UBR3: variants seen among roughly 807,000 people sequenced by gnomAD.
UBR3 encodes E3 ubiquitin-protein ligase UBR3.
Under a neutral mutation model 243.2 loss-of-function variants are expected in UBR3, and 85 were observed. The ratio of observed to expected loss-of-function variants is 0.35; its 90% CI spans 0.29 to 0.42. The LOEUF is 0.42. Among genes scored for constraint, UBR3 ranks in the 10% least tolerant of loss-of-function variants. The pLI, the probability that UBR3 is intolerant of heterozygous loss-of-function variation, is 1.00. For missense variants in UBR3, 1,686 were observed against 2,300.8 expected (o/e 0.73, Z 5.47); for synonymous variants, 748 against 799.8 (o/e 0.94, Z 1.09).
intron 25 of UBR3, among the ~76,000 whole-genome samples, chr2:169,993,517 A>C (rs2089368030): frequency 6.6e-6 from 1 of 152,192 alleles, no homozygotes; most frequent in Non-Finnish European, 1.5e-5. Context: ...GTTCCATAGA[A>C]TATCTCAGAG....
At position 169,948,755 on chromosome 2, in the gene UBR3, T is replaced by G. The variant is rs1416051773; in HGVS notation, c.3085-850T>G. On this transcript the variant is annotated intron_variant, in intron 22 of 38. Coordinates refer to ENST00000272793, the MANE Select transcript of UBR3 (RefSeq NM_172070.4). The stretch of plus-strand genomic sequence containing the variant: ...TTAACTCACAAAAGCTCAACTGATA[T>G]TACAGCATCCTTTCTATGCTCGCTT... 2.6e-5 allele frequency among the ~76,000 whole-genome samples: 4 copies of G among 152,046 alleles called. No individual in the cohort carries two copies. In the East Asian group the frequency reaches 7.7e-4, roughly 29 times the overall value.
chr2:169,848,334 G>GTTTT (rs397966443), intron 1 of UBR3, among the ~76,000 whole-genome samples: 1 of 129,552 alleles, frequency 7.7e-6, no homozygotes. Context: ...AAGTATCATA[G>GTTTT]TTTTTTTTTT....
intron 26 of UBR3, among the ~76,000 whole-genome samples, chr2:169,997,218 T>A (rs1479512742): frequency 1.3e-5 from 2 of 152,320 alleles, no homozygotes; most frequent in South Asian, 2.1e-4. Flanking sequence ...TGGTGGCACC[T>A]CTGCCTGGGC....
At chr2:169,993,406 A>G (rs1426700374) in intron 25 of UBR3, among the ~76,000 whole-genome samples, 1 of 152,202 alleles carries the variant, frequency 6.6e-6, no homozygotes, top group Non-Finnish European at 1.5e-5. Flanking sequence ...CAATCGAATA[A>G]AAGATCATGT....
chr2:169,974,469 G>A (rs2088328646), intron 24 of UBR3, among the ~76,000 whole-genome samples: 1 of 152,020 alleles, frequency 6.6e-6, no homozygotes, highest in South Asian at 2.1e-4. Context: ...GTTCATAATA[G>A]TCTCTAATGA....
At chr2:169,837,084 G>A (rs188675237) in intron 1 of UBR3, among the ~76,000 whole-genome samples, 1 of 152,228 alleles carries the variant, frequency 6.6e-6, no homozygotes, top group Admixed American at 6.5e-5. Flanking sequence ...AAAGATTTAA[G>A]GTTTTTCATT....
rs960287789 is a variant in UBR3, at chr2:169,906,265, T to C, written c.1779+101T>C. ...TATAATGTGCAGTGTTTAATTTTGT[T>C]TCAAATTGAATTCAGCTTTATGAAA... On this transcript the variant is annotated intron_variant, in intron 10 of 38. Transcript: ENST00000272793. 8.7e-5 allele frequency: 116 copies of C among 1,328,064 alleles called. No individual in the cohort carries two copies. In the Middle Eastern group the frequency reaches 1.7e-3, roughly 20 times the overall value. The allele number at this position is 1,328,064 out of a possible 1,614,324, so 82.3% of individuals were successfully genotyped here.
intron 29 of UBR3, chr2:170,014,048 TATC>T (rs2090161453): frequency 5.0e-6 from 2 of 397,424 alleles, no homozygotes; most frequent in Admixed American, 5.6e-5. Flanking sequence ...CAGATGCCCT[TATC>T]AGCAGCAACC....
chr2:170,065,830 C>A (rs191050741), intron 35 of UBR3, among the ~76,000 whole-genome samples: 117 of 152,028 alleles, frequency 7.7e-4, no homozygotes, highest in African/African-American at 2.7e-3. Flanking sequence ...ATCATATAAT[C>A]TGAAAATACT....
At chr2:169,964,756 G>C in intron 24 of UBR3, 1 of 407,786 alleles carries the variant, frequency 2.5e-6, no homozygotes, top group Non-Finnish European at 4.9e-6. Flanking sequence ...CAAGATCATA[G>C]ATTTGAATGT....
rs756509792 is a variant in UBR3 at position 169,949,612 on chromosome 2, G to T, written c.3092G>T (p.Gly1031Val). Reference sequence around the variant, plus strand: ...TCTCTTTGTTAATGGTAGAATTCTGGTACAGCTCAAGTTTTCAGTTTAGTA... The same window carrying T: ...TCTCTTTGTTAATGGTAGAATTCTGTTACAGCTCAAGTTTTCAGTTTAGTA... Reference protein sequence around the residue: ...SDNLGSLQNSGTAQVFSLVAE... With the variant: ...SDNLGSLQNSVTAQVFSLVAE... Residue 1031 changes from glycine (G) to valine (V), a missense_variant, in exon 23 of 39, where the codon GGT becomes GTT. Gly to Val is a moderately radical substitution (Grantham distance 109, BLOSUM62 -3). Coordinates refer to ENST00000272793, the MANE Select transcript of UBR3 (RefSeq NM_172070.4). 26 of 1,535,064 alleles carry T rather than the reference G, an allele frequency of 1.7e-5. No individual in the cohort carries two copies. The highest frequency in any genetic ancestry group is 2.8e-5 in the African/African-American group (2 of 72,038).
rs1023037065 is a variant in UBR3 at position 169,994,885 on chromosome 2, A to G, written c.3918+429A>G. Among the ~76,000 whole-genome samples the G allele has an allele frequency of 9.9e-5, 15 of 152,082 alleles. 1 individual carries two copies. Among genetic ancestry groups the G allele is most frequent in the Admixed American group, 5.9e-4 (9 of 15,278 alleles). ...CCTACTTCTCAAAGATGTGCTGCAC[A>G]TTAGGTTAATTAGCATGTCTAAATT... On this transcript the variant is annotated intron_variant, in intron 26 of 38. Transcript: ENST00000272793.
At chr2:169,914,948 T>C (rs1192595660) in intron 11 of UBR3, among the ~76,000 whole-genome samples, 3 of 152,066 alleles carry the variant, frequency 2.0e-5, no homozygotes, top group African/African-American at 7.2e-5. Context: ...CAAAGAACTT[T>C]CTATTCTTGA....
chr2:169,913,360 G>GTTTTTTTT (rs66463048), intron 10 of UBR3, among the ~76,000 whole-genome samples: 6 of 141,188 alleles, frequency 4.2e-5, no homozygotes, highest in Non-Finnish European at 6.1e-5. Context: ...TTTGTTTTTT[G>GTTTTTTTT]TTTTTTTTTT....
At position 170,028,700 on chromosome 2, in the gene UBR3, T is replaced by TC. The variant is rs10684913; in HGVS notation, c.4454-643dup. ...AAGCAATACTTAGGGTTTTTTTTTT[T>TC]CCCAGAATAATTTTAAACATGATAT... On this transcript the variant is annotated intron_variant, in intron 30 of 38. Transcript: ENST00000272793. Among the ~76,000 whole-genome samples the TC allele has an allele frequency of 2.1e-4, 31 of 150,626 alleles. 1 individual carries two copies. The Middle Eastern group carries it at 0.01, about 50-fold the overall frequency.
chr2:169,900,798 C>T (rs956467047), intron 8 of UBR3, among the ~76,000 whole-genome samples: 14 of 151,572 alleles, frequency 9.2e-5, no homozygotes, highest in Non-Finnish European at 1.8e-4. Flanking sequence ...CGTATCCTTA[C>T]CTACCTCATT....
At chr2:169,828,092 CG>C in intron 1 of UBR3, 40 bp downstream of exon 1, 1 of 1,291,498 alleles carries the variant, frequency 7.7e-7, no homozygotes, top group Non-Finnish European at 9.9e-7. Flanking sequence ...GACCCTGGGC[CG>C]GGGACGTCGC....
chr2:170,041,035 T>G, intron 32 of UBR3, 50 bp downstream of exon 32: 1 of 1,529,134 alleles, frequency 6.5e-7, no homozygotes, highest in Non-Finnish European at 9.0e-7. Flanking sequence ...GTATTTTGAA[T>G]ATTCTAGAGA....
chr2:169,914,805 G>A (rs2085390003), intron 11 of UBR3, among the ~76,000 whole-genome samples: 1 of 151,736 alleles, frequency 6.6e-6, no homozygotes, highest in African/African-American at 2.4e-5. Context: ...AACCGTTGCT[G>A]TGTGTTTGTG....
Sources: gnomAD v4.1 joint callset for allele counts (sites outside exome capture counted in the v4.1 genomes callset) on GRCh38, gnomAD v4.1.1 for gene constraint, MANE v1.5 for transcripts, NCBI Gene and HGNC (gene_info 2026-07-23, HGNC 2026-07-21) for gene names.